DDX31: variants seen among roughly 807,000 people sequenced by gnomAD.
DDX31 encodes the protein ATP-dependent DNA helicase DDX31.
Under a neutral mutation model 91.3 loss-of-function variants are expected in DDX31, and 70 were observed. That is an observed-to-expected ratio of 0.77 (90% CI 0.63 to 0.94). DDX31 has a LOEUF of 0.94. DDX31 is among the 40% of genes least tolerant of loss of function. The pLI is 0.00. For synonymous variants in DDX31, 362 were observed against 350.6 expected (o/e 1.03, Z -0.36); for missense variants, 902 against 925.0 (o/e 0.98, Z 0.32).
At chr9:132,633,733 T>C (rs548808441) in intron 14 of DDX31, among the ~76,000 whole-genome samples, 17 of 152,274 alleles carry the variant, frequency 1.1e-4, no homozygotes, top group Admixed American at 7.8e-4. Context: ...AGGATAAAGA[T>C]GGAAGCTACA....
chr9:132,607,033 T>C (rs962251415), intron 19 of DDX31, among the ~76,000 whole-genome samples: 4 of 152,212 alleles, frequency 2.6e-5, no homozygotes, highest in Non-Finnish European at 5.9e-5. Context: ...TATGAACCTG[T>C]CCTATCTATG....
At chr9:132,620,357 T>C (rs1305811526) in intron 17 of DDX31, among the ~76,000 whole-genome samples, 2 of 151,842 alleles carry the variant, frequency 1.3e-5, no homozygotes, top group African/African-American at 2.4e-5. Flanking sequence ...TGGCAATATA[T>C]TACAAAGGGC....
intron 14 of DDX31, chr9:132,638,295 T>C (rs936826927): frequency 1.2e-6 from 2 of 1,612,040 alleles, no homozygotes; most frequent in Admixed American, 3.3e-5. Context: ...GTACTTCTTA[T>C]CAACTCGTCA....
At chr9:132,638,763 C>T (rs1833288373) in intron 14 of DDX31, among the ~76,000 whole-genome samples, 2 of 152,120 alleles carry the variant, frequency 1.3e-5, no homozygotes, top group African/African-American at 4.8e-5. Context: ...ACACATGCAC[C>T]CTTAACTGTT....
intron 1 of DDX31, 69 bp downstream of exon 1, chr9:132,669,779 TCCAAGGCACGGC>T: frequency 2.6e-6 from 4 of 1,519,020 alleles, no homozygotes; most frequent in East Asian, 4.9e-5. Context: ...GAAACCCGAC[TCCAAGGCACGGC>T]TGCAGCTCGC....
chr9:132,602,302 T>C (rs1021171878), intron 19 of DDX31, among the ~76,000 whole-genome samples: 2 of 152,214 alleles, frequency 1.3e-5, no homozygotes, highest in East Asian at 1.9e-4. Context: ...CAGGACCAGG[T>C]TGGGCCAGGC....
At chr9:132,627,029 C>G (rs1163622215) in intron 16 of DDX31, among the ~76,000 whole-genome samples, 6 of 152,062 alleles carry the variant, frequency 3.9e-5, no homozygotes, top group Admixed American at 3.9e-4. Context: ...GTGCCTGGCA[C>G]CCCGAGGGAA....
chr9:132,604,698 G>A (rs577376898), intron 19 of DDX31, among the ~76,000 whole-genome samples: 6 of 152,212 alleles, frequency 3.9e-5, no homozygotes, highest in South Asian at 4.2e-4. Context: ...ATTTTCATAC[G>A]ATTCCCCAGC....
chr9:132,618,489 GAAT>G, intron 17 of DDX31, 48 bp from the exon 18 acceptor site: 1 of 1,509,148 alleles, frequency 6.6e-7, no homozygotes, highest in African/African-American at 1.4e-5. Context: ...TCAAGGTCAG[GAAT>G]AATGAAGCAG....
intron 13 of DDX31, among the ~76,000 whole-genome samples, chr9:132,642,965 C>T (rs72767882): frequency 0.016 from 2,454 of 152,114 alleles, 30 homozygotes; most frequent in Non-Finnish European, 0.026. Context: ...GCTGGGACTA[C>T]AGGCATACAC....
At chr9:132,658,298 T>G in intron 6 of DDX31, 1 of 703,308 alleles carries the variant, frequency 1.4e-6, no homozygotes, top group South Asian at 1.5e-5. Flanking sequence ...CTGCATGGCC[T>G]TGGTTATTTA....
chr9:132,648,548 G>C lies in DDX31; in HGVS notation c.744C>G (p.Leu248=), dbSNP rs1301129442. The C allele has an allele frequency of 1.2e-6, 2 of 1,607,604 alleles. No homozygotes were observed. Among genetic ancestry groups the C allele is most frequent in the Non-Finnish European group, 8.5e-7 (1 of 1,177,990 alleles). The change falls in exon 10 of 20, where the codon CTC becomes CTG. Residue 248 remains leucine (L), a synonymous_variant. Coordinates refer to ENST00000372159, the MANE Select transcript of DDX31 (RefSeq NM_022779.9). The part of the protein sequence containing the change: ...GEKRKSEKAR[L]RKGINILIST... ...AGATAAGGATATTTATTCCTTTGCG[G>C]AGTCTGTTTAAAATTATATATCATA...
At chr9:132,603,270 A>C (rs367597815) in intron 19 of DDX31, among the ~76,000 whole-genome samples, 1 of 152,234 alleles carries the variant, frequency 6.6e-6, no homozygotes, top group East Asian at 1.9e-4. Context: ...GTAGTTAACA[A>C]ATTACTCTGC....
rs777684564 is a variant in DDX31 at position 132,646,071 on chromosome 9, A to G, written c.1204T>C (p.Phe402Leu). 20 of 1,613,420 alleles carry G rather than the reference A, an allele frequency of 1.2e-5. No individual in the cohort carries two copies. Among genetic ancestry groups the G allele is most frequent in the Non-Finnish European group, 1.5e-5 (18 of 1,179,666 alleles). The part of the protein sequence containing the change: ...LAAFILQKCK[F>L]EEDQKMVVFF... ...ACAACCATCTTCTGGTCTTCCTCAA[A>G]CTACATCGATACAAAGGGAGGAAAA... Residue 402 changes from phenylalanine to leucine, a missense_variant and splice_region_variant, in exon 13 of 20, where the codon TTT (phenylalanine) becomes CTT (leucine). Physicochemically the swap from Phe to Leu is conservative, Grantham distance 22 (BLOSUM62 0). Transcript: ENST00000372159.
chr9:132,604,867 C>T (rs1830924611), intron 19 of DDX31, among the ~76,000 whole-genome samples: 2 of 152,200 alleles, frequency 1.3e-5, no homozygotes, highest in African/African-American at 2.4e-5. Flanking sequence ...GGGGTGGAGG[C>T]CCCACTCCTG....
At chr9:132,630,637 C>T (rs1216087034) in intron 15 of DDX31, among the ~76,000 whole-genome samples, 1 of 152,224 alleles carries the variant, frequency 6.6e-6, no homozygotes, top group Non-Finnish European at 1.5e-5. Context: ...ATAAACGAGA[C>T]GTCTTCTCAT....
In DDX31 at chr9:132,594,048, G is replaced by C. The variant is rs1260761591; in HGVS notation, c.*818C>G. Reference sequence around the variant, plus strand: ...CGGGGTGGGTCGGGGGCGGGGGGCGGGCAGCTGTGGCCTGGGTCACAATAC... The same window carrying C: ...CGGGGTGGGTCGGGGGCGGGGGGCGCGCAGCTGTGGCCTGGGTCACAATAC... On this transcript the variant is annotated 3_prime_UTR_variant, in exon 20 of 20. Coordinates refer to ENST00000372159, the MANE Select transcript of DDX31 (RefSeq NM_022779.9). The C allele has an allele frequency of 1.5e-5, 2 of 133,816 alleles. No homozygotes were observed. The highest frequency in any genetic ancestry group is 2.7e-5 in the African/African-American group (1 of 37,010). The allele number at this position is 133,816 out of a possible 1,614,324, so 8.3% of individuals were successfully genotyped here. A position where few individuals can be genotyped will look rare whatever the true frequency, so the allele number is the denominator to read the frequency against.
chr9:132,606,953 T>A (rs787740), intron 19 of DDX31, among the ~76,000 whole-genome samples: 85,375 of 152,008 alleles, frequency 0.56, 25,350 homozygotes, highest in African/African-American at 0.74. Flanking sequence ...CCTTCAAAGA[T>A]GAAAACCACC....
At chr9:132,649,021 T>A (rs970405964) in intron 9 of DDX31, among the ~76,000 whole-genome samples, 2 of 152,166 alleles carry the variant, frequency 1.3e-5, no homozygotes, top group Admixed American at 1.3e-4. Flanking sequence ...GTCCCATGGG[T>A]TATATACAAT....
Sources: gnomAD v4.1 joint callset for allele counts (sites outside exome capture counted in the v4.1 genomes callset) on GRCh38, gnomAD v4.1.1 for gene constraint, MANE v1.5 for transcripts, NCBI Gene and HGNC (gene_info 2026-07-23, HGNC 2026-07-21) for gene names.